The following HECTD2 variants were observed in gnomAD, a reference collection of about 807,000 sequenced individuals.
HECTD2 encodes the protein probable E3 ubiquitin-protein ligase HECTD2.
HECTD2 carries 35 observed loss-of-function variants against 103.2 expected under a neutral mutation model. That is an observed-to-expected ratio of 0.34 (90% CI 0.26 to 0.45). HECTD2 has a LOEUF of 0.45. Ranked by LOEUF, HECTD2 falls within the 20% of genes least tolerant of loss-of-function variation. The pLI is 1.00. For missense variants in HECTD2, 596 were observed against 937.4 expected (o/e 0.64, Z 4.76); for synonymous variants, 281 against 329.9 (o/e 0.85, Z 1.61).
intron 7 of HECTD2, among the ~76,000 whole-genome samples, 177 bp downstream of exon 7, chr10:91,481,316 G>T (rs907766308): frequency 6.6e-6 from 1 of 151,664 alleles, no homozygotes; most frequent in African/African-American, 2.4e-5. Flanking sequence ...AAGATTAAAA[G>T]ATAAGTAAGA....
chr10:91,468,029 T>C (rs1180731908), intron 5 of HECTD2, among the ~76,000 whole-genome samples: 2 of 152,088 alleles, frequency 1.3e-5, no homozygotes, highest in Non-Finnish European at 2.9e-5. Context: ...CTCCTACTAG[T>C]ACCTTGCCCC....
chr10:91,478,479 A>G (rs1845985212), intron 6 of HECTD2, among the ~76,000 whole-genome samples: 1 of 152,226 alleles, frequency 6.6e-6, no homozygotes, highest in Non-Finnish European at 1.5e-5. Context: ...GGGCATAAAA[A>G]GATCTGTGAA....
At chr10:91,420,429 C>CAAA (rs113416881) in intron 1 of HECTD2, among the ~76,000 whole-genome samples, 3 of 132,326 alleles carry the variant, frequency 2.3e-5, no homozygotes, top group African/African-American at 5.3e-5. Context: ...ACTAAGAATA[C>CAAA]AAAAAAAAAA....
intron 2 of HECTD2, among the ~76,000 whole-genome samples, chr10:91,437,651 T>C (rs926375885): frequency 2.0e-5 from 3 of 151,236 alleles, no homozygotes; most frequent in African/African-American, 7.3e-5. Flanking sequence ...TTGTTTTGTT[T>C]TTTTTGTTGT....
chr10:91,492,253 ATAAGT>A lies in HECTD2; in HGVS notation c.1300-95_1300-91del, dbSNP rs1846508295. 8.8e-6 allele frequency: 10 copies of A among 1,133,958 alleles called. No homozygotes were observed. The East Asian group carries it at 2.1e-4, about 24-fold the overall frequency. The allele number at this position is 1,133,958 out of a possible 1,614,324, so 70.2% of individuals were successfully genotyped here. ...GGGATGGAGTTTTGTAGCATTGCAAATAAGTTAAAGACTGCCTAACACATTTCCCA... is the reference window on the plus strand; with the variant it reads ...GGGATGGAGTTTTGTAGCATTGCAAATAAAGACTGCCTAACACATTTCCCA... On this transcript the variant is annotated intron_variant, in intron 12 of 20. Transcript: ENST00000298068.
At chr10:91,453,679 C>T (rs1844933135) in intron 2 of HECTD2, among the ~76,000 whole-genome samples, 1 of 152,062 alleles carries the variant, frequency 6.6e-6, no homozygotes, top group South Asian at 2.1e-4. Context: ...AATAAAATCA[C>T]AGACTTAAGT....
chr10:91,439,872 G>T (rs537140173), intron 2 of HECTD2, among the ~76,000 whole-genome samples: 83 of 152,126 alleles, frequency 5.5e-4, no homozygotes, highest in Non-Finnish European at 9.6e-4. Context: ...CTGATGATTT[G>T]GCTCTCTGTT....
intron 2 of HECTD2, among the ~76,000 whole-genome samples, chr10:91,445,788 G>C (rs571669862): frequency 1.8e-4 from 28 of 152,252 alleles, no homozygotes; most frequent in African/African-American, 6.5e-4. Flanking sequence ...AGGGATCAGA[G>C]AAATCCCTCC....
intron 20 of HECTD2, among the ~76,000 whole-genome samples, chr10:91,509,548 G>T (rs948864165): frequency 7.9e-5 from 12 of 152,036 alleles, no homozygotes; most frequent in Non-Finnish European, 1.0e-4. Context: ...CAATAGCAAA[G>T]ACTGGATAAA....
At chr10:91,505,287 G>C (rs1847106980) in intron 20 of HECTD2, among the ~76,000 whole-genome samples, 2 of 151,772 alleles carry the variant, frequency 1.3e-5, no homozygotes, top group East Asian at 1.9e-4. Flanking sequence ...AACTTTAAAT[G>C]TAAATGGACT....
At chr10:91,505,480 C>G (rs1046051040) in intron 20 of HECTD2, among the ~76,000 whole-genome samples, 17 of 151,780 alleles carry the variant, frequency 1.1e-4, no homozygotes, top group South Asian at 1.0e-3. Context: ...ATCCTAGTCT[C>G]TGATAAAACA....
At chr10:91,435,469 A>G (rs1011530748) in intron 2 of HECTD2, among the ~76,000 whole-genome samples, 1 of 152,016 alleles carries the variant, frequency 6.6e-6, no homozygotes, top group African/African-American at 2.4e-5. Context: ...GCTCATCTGT[A>G]CATTCTGTCT....
At chr10:91,439,377 A>G (rs1844288797) in intron 2 of HECTD2, among the ~76,000 whole-genome samples, 1 of 152,210 alleles carries the variant, frequency 6.6e-6, no homozygotes, top group Non-Finnish European at 1.5e-5. Flanking sequence ...GTCAAAGATC[A>G]GATTATTGTA....
chr10:91,420,916 C>T (rs1843332832), intron 1 of HECTD2, among the ~76,000 whole-genome samples: 1 of 152,122 alleles, frequency 6.6e-6, no homozygotes, highest in African/African-American at 2.4e-5. Context: ...CATTCCTGCA[C>T]AAAGAATAAC....
intron 20 of HECTD2, among the ~76,000 whole-genome samples, chr10:91,507,009 A>G (rs372988036): frequency 6.6e-6 from 1 of 152,144 alleles, no homozygotes; most frequent in African/African-American, 2.4e-5. Flanking sequence ...TATAAACAGA[A>G]CCAAAGACAA....
intron 4 of HECTD2, 101 bp downstream of exon 4, chr10:91,461,457 G>A: frequency 1.7e-6 from 1 of 573,100 alleles, no homozygotes; most frequent in Non-Finnish European, 3.1e-6. Context: ...ATTTAAACAT[G>A]CATATATTAT....
At chr10:91,452,221 C>T (rs964380881) in intron 2 of HECTD2, among the ~76,000 whole-genome samples, 1 of 151,986 alleles carries the variant, frequency 6.6e-6, no homozygotes, top group Non-Finnish European at 1.5e-5. Flanking sequence ...AAAAAAGTAA[C>T]CAAGTTATGA....
At position 91,445,389 on chromosome 10, in the gene HECTD2, C is replaced by A. The variant is rs756138908; in HGVS notation, c.269-15038C>A. Among the ~76,000 whole-genome samples, 4 of 152,102 alleles carry A rather than the reference C, an allele frequency of 2.6e-5. No homozygotes were observed. The East Asian group carries it at 7.7e-4, about 29-fold the overall frequency. On this transcript the variant is annotated intron_variant, in intron 2 of 20. Coordinates refer to ENST00000298068, the MANE Select transcript of HECTD2 (RefSeq NM_182765.6). ...ATAAAAAAGTTTGCTGCTGGTTACA[C>A]GCTCTTGCAAAATGCTGTGCCTTGA...
chr10:91,444,987 C>T (rs1160300913), intron 2 of HECTD2, among the ~76,000 whole-genome samples: 1 of 152,068 alleles, frequency 6.6e-6, no homozygotes, highest in Non-Finnish European at 1.5e-5. Context: ...AAGTAAAACA[C>T]TAGAAGCCAA....
Sources: gnomAD v4.1 joint callset for allele counts (sites outside exome capture counted in the v4.1 genomes callset) on GRCh38, gnomAD v4.1.1 for gene constraint, MANE v1.5 for transcripts, NCBI Gene and HGNC (gene_info 2026-07-23, HGNC 2026-07-21) for gene names.